Variants in PKP4 observed in about 807,000 individuals in gnomAD.
The protein encoded by PKP4 is plakophilin-4.
PKP4 carries 90 observed loss-of-function variants against 145.1 expected under a neutral mutation model. That is an observed-to-expected ratio of 0.62 (90% confidence interval 0.52 to 0.74). PKP4 has a LOEUF of 0.74. Ranked by LOEUF, PKP4 falls within the 30% of genes least tolerant of loss-of-function variation. The pLI, the probability that PKP4 is intolerant of heterozygous loss-of-function variation, is 0.00. For missense variants in PKP4, 1,340 were observed against 1,482.7 expected (o/e 0.90, Z 1.58); for synonymous variants, 563 against 577.2 (o/e 0.98, Z 0.35).
intron 2 of PKP4, among the ~76,000 whole-genome samples, chr2:158,570,785 CT>C (rs967386807): frequency 6.6e-6 from 1 of 151,990 alleles, no homozygotes; most frequent in Non-Finnish European, 1.5e-5. Context: ...ATTTCAATGA[CT>C]TCAATGCCTG....
Position 158,621,002 on chromosome 2 carries a change from CTGGTG to C in PKP4, c.295_299del (p.Gly99LysfsTer4). 1 of 1,613,962 alleles carries C rather than the reference CTGGTG, an allele frequency of 6.2e-7. No homozygotes were observed. The highest frequency in any genetic ancestry group is 8.5e-7 in the Non-Finnish European group (1 of 1,179,862). On this transcript the variant is annotated frameshift_variant, in exon 5 of 22. Coordinates refer to ENST00000389759, the MANE Select transcript of PKP4 (RefSeq NM_003628.6). LOFTEE classifies it high-confidence loss of function. Reference sequence around the variant, plus strand: ...TTTCTTGTTACAGACGTGCCAAATACTGGTGTAAGCAAACCTAGAGTTTCTGACGC... The same window carrying C: ...TTTCTTGTTACAGACGTGCCAAATACTAAGCAAACCTAGAGTTTCTGACGC...
intron 16 of PKP4, among the ~76,000 whole-genome samples, chr2:158,668,596 CA>C (rs757304075): frequency 1.3e-5 from 2 of 152,354 alleles, no homozygotes; most frequent in East Asian, 3.9e-4. Flanking sequence ...TGACAAATTA[CA>C]TGTCATGGGC....
At chr2:158,500,760 A>C (rs976619738) in intron 1 of PKP4, among the ~76,000 whole-genome samples, 1 of 152,176 alleles carries the variant, frequency 6.6e-6, no homozygotes, top group Non-Finnish European at 1.5e-5. Context: ...CAGAGATGCA[A>C]GTATCTGGGA....
At chr2:158,560,745 G>A (rs2105735479) in intron 2 of PKP4, among the ~76,000 whole-genome samples, 1 of 152,230 alleles carries the variant, frequency 6.6e-6, no homozygotes, top group African/African-American at 2.4e-5. Flanking sequence ...TTAGCATTTT[G>A]TTCATGTACT....
At chr2:158,506,030 G>A (rs1187781173) in intron 1 of PKP4, among the ~76,000 whole-genome samples, 1 of 152,202 alleles carries the variant, frequency 6.6e-6, no homozygotes, top group Non-Finnish European at 1.5e-5. Context: ...AAGCTATACT[G>A]TGAAATGTGA....
At chr2:158,477,861 A>G (rs1375314879) in intron 1 of PKP4, among the ~76,000 whole-genome samples, 1 of 152,200 alleles carries the variant, frequency 6.6e-6, no homozygotes, top group African/African-American at 2.4e-5. Flanking sequence ...CATCTCTCAA[A>G]AAAAACCAAA....
At chr2:158,581,647 G>A (rs900837330) in intron 3 of PKP4, among the ~76,000 whole-genome samples, 2 of 152,070 alleles carry the variant, frequency 1.3e-5, no homozygotes, top group African/African-American at 4.8e-5. Context: ...TGAGTAGTTC[G>A]GTTCCCTCAC....
chr2:158,609,255 A>G (rs918016225), intron 4 of PKP4, among the ~76,000 whole-genome samples: 4 of 152,178 alleles, frequency 2.6e-5, no homozygotes, highest in African/African-American at 9.6e-5. Flanking sequence ...TTTGACTGCA[A>G]AGATACTGAA....
chr2:158,458,325 C>A (rs527418919), intron 1 of PKP4: 1 of 152,590 alleles, frequency 6.6e-6, no homozygotes, highest in South Asian at 2.1e-4. Flanking sequence ...TCATTCCACT[C>A]CTCTCCTCCC....
At chr2:158,584,150 C>T (rs993662173) in intron 3 of PKP4, among the ~76,000 whole-genome samples, 7 of 152,212 alleles carry the variant, frequency 4.6e-5, no homozygotes, top group African/African-American at 1.7e-4. Flanking sequence ...GGCTCCGGCT[C>T]CGAGGCCAAC....
chr2:158,477,766 A>C lies in PKP4; in HGVS notation c.-6+20548A>C, dbSNP rs144703548. On this transcript the variant is annotated intron_variant, in intron 1 of 21. Transcript: ENST00000389759. ...AGGCTGAGGCAGGAATATTACTTGA[A>C]CTCAGGAGATCGAGGCTGCAGTACA... 2.3e-3 allele frequency among the ~76,000 whole-genome samples: 352 copies of C among 152,186 alleles called. 2 individuals carry two copies. The highest frequency in any genetic ancestry group is 7.9e-3 in the African/African-American group (327 of 41,536).
At chr2:158,535,760 G>A (rs531108429) in intron 2 of PKP4, among the ~76,000 whole-genome samples, 14 of 152,154 alleles carry the variant, frequency 9.2e-5, no homozygotes, top group South Asian at 2.1e-4. Context: ...CTGCCATGCC[G>A]TAATGGTATC....
intron 3 of PKP4, among the ~76,000 whole-genome samples, chr2:158,595,524 C>G (rs1355903424): frequency 6.6e-6 from 1 of 152,048 alleles, no homozygotes; most frequent in Non-Finnish European, 1.5e-5. Context: ...GCTAAGAATT[C>G]ACAAGAAACT....
chr2:158,593,490 T>A (rs1423291612), intron 3 of PKP4, among the ~76,000 whole-genome samples: 2 of 152,176 alleles, frequency 1.3e-5, no homozygotes, highest in Non-Finnish European at 2.9e-5. Context: ...TAGTACTACG[T>A]CCTTTTTGAT....
At chr2:158,609,930 C>T (rs980759259) in intron 4 of PKP4, among the ~76,000 whole-genome samples, 4 of 152,204 alleles carry the variant, frequency 2.6e-5, no homozygotes, top group African/African-American at 9.6e-5. Context: ...GAGAAAGATA[C>T]TTCCCAAAGA....
At chr2:158,645,298 AAT>A (rs1467146283) in intron 11 of PKP4, among the ~76,000 whole-genome samples, 17 of 152,350 alleles carry the variant, frequency 1.1e-4, no homozygotes, top group Admixed American at 8.5e-4. Context: ...GTAGATATAA[AAT>A]GAAAATTAGA....
chr2:158,486,824 T>C (rs1036056726), intron 1 of PKP4, among the ~76,000 whole-genome samples: 3 of 152,218 alleles, frequency 2.0e-5, no homozygotes, highest in African/African-American at 7.2e-5. Flanking sequence ...GTCTTAAGCA[T>C]GAGCAGCTTG....
intron 1 of PKP4, among the ~76,000 whole-genome samples, chr2:158,511,014 G>C (rs1426567880): frequency 6.6e-6 from 1 of 152,224 alleles, no homozygotes; most frequent in Non-Finnish European, 1.5e-5. Context: ...GTAGGGGAAG[G>C]CCTCTGTGAG....
chr2:158,523,736 A>C (rs912473137), intron 1 of PKP4, among the ~76,000 whole-genome samples: 1 of 120,772 alleles, frequency 8.3e-6, no homozygotes, highest in Non-Finnish European at 1.6e-5. Context: ...AACTTTGAAA[A>C]AAATTTAGAA....
Sources: allele counts gnomAD v4.1 joint callset (sites outside exome capture counted in the v4.1 genomes callset), GRCh38; gene constraint gnomAD v4.1.1; transcripts MANE v1.5; gene names NCBI Gene and HGNC (gene_info 2026-07-23, HGNC 2026-07-21).